Variants in RAPGEF2 observed in about 807,000 individuals in gnomAD.
RAPGEF2 encodes the protein Rap guanine nucleotide exchange factor 2, also known as PDZ domain containing guanine nucleotide exchange factor (GEF) 1.
In RAPGEF2, 54 loss-of-function variants were observed where a neutral mutation model predicts 186.7. That is an observed-to-expected ratio of 0.29 (90% confidence interval 0.23 to 0.36). The LOEUF is 0.36. Ranked by LOEUF, RAPGEF2 falls within the 10% of genes least tolerant of loss-of-function variation. The pLI is 1.00. For synonymous variants in RAPGEF2, 712 were observed against 705.9 expected (o/e 1.01, Z -0.14); for missense variants, 1,532 against 2,045.0 (o/e 0.75, Z 4.84).
intron 1 of RAPGEF2, among the ~76,000 whole-genome samples, chr4:159,158,654 A>G (rs529358106): frequency 6.6e-6 from 1 of 152,346 alleles, no homozygotes; most frequent in African/African-American, 2.4e-5. Context: ...AAAAAAGTTC[A>G]GAGATGACTA....
At chr4:159,274,197 TTTTG>T (rs1272114231) in intron 7 of RAPGEF2, among the ~76,000 whole-genome samples, 4 of 152,250 alleles carry the variant, frequency 2.6e-5, no homozygotes, top group Non-Finnish European at 4.4e-5. Flanking sequence ...CTTCATTTTC[TTTTG>T]TTTAACAATA....
intron 7 of RAPGEF2, among the ~76,000 whole-genome samples, chr4:159,253,476 G>T (rs1356563101): frequency 2.0e-5 from 3 of 152,122 alleles, no homozygotes; most frequent in African/African-American, 7.2e-5. Flanking sequence ...TTATTAAGAA[G>T]CTGTCAGACT....
Position 159,353,373 on chromosome 4 carries a change from T to C in RAPGEF2, c.4092-114T>C, listed in dbSNP as rs1481587527. ...AATTCAGTGCTACTTTTATCCTGTT[T>C]CTGGGATGAAAGCAAGCTACCTTTC... On this transcript the variant is annotated intron_variant, in intron 27 of 29. Transcript: ENST00000691494. This position sits in a 1 kb window ranked among gnomAD's most constrained non-coding sequence, Gnocchi z 4.3. 2 of 807,116 alleles carry C rather than the reference T, an allele frequency of 2.5e-6. No individual in the cohort carries two copies. The highest frequency in any genetic ancestry group is 3.7e-5 in the Admixed American group (1 of 27,288). The allele number at this position is 807,116 out of a possible 1,614,324, so 50.0% of individuals were successfully genotyped here. A position where few individuals can be genotyped will look rare whatever the true frequency, so the allele number is the denominator to read the frequency against.
chr4:159,273,445 A>AT, intron 7 of RAPGEF2, among the ~76,000 whole-genome samples: 1 of 152,306 alleles, frequency 6.6e-6, no homozygotes, highest in African/African-American at 2.4e-5. Flanking sequence ...AGTATACCTC[A>AT]TATCTTTGCC....
intron 2 of RAPGEF2, among the ~76,000 whole-genome samples, chr4:159,191,466 C>T (rs1057232511): frequency 6.6e-6 from 1 of 152,084 alleles, no homozygotes; most frequent in South Asian, 2.1e-4. Context: ...TCAGGCCGGG[C>T]GCGATGGCTA....
chr4:159,260,922 G>C (rs1579653945), intron 7 of RAPGEF2, among the ~76,000 whole-genome samples: 1 of 151,990 alleles, frequency 6.6e-6, no homozygotes, highest in East Asian at 1.9e-4. Context: ...CTAATTTTTT[G>C]TATTTTTAGT....
At chr4:159,127,270 G>T (rs777981377) in intron 1 of RAPGEF2, among the ~76,000 whole-genome samples, 7 of 152,116 alleles carry the variant, frequency 4.6e-5, no homozygotes, top group Admixed American at 3.9e-4. Context: ...CAGGTGATCC[G>T]CCTGCCTTGG....
chr4:159,162,875 T>A (rs1180728476), intron 1 of RAPGEF2, among the ~76,000 whole-genome samples: 6 of 151,568 alleles, frequency 4.0e-5, no homozygotes. Flanking sequence ...TCTCTTTTAT[T>A]GTTCCTTGTA....
At chr4:159,104,523 A>AGAGG (rs879376034) in intron 1 of RAPGEF2, among the ~76,000 whole-genome samples, 4 of 122,782 alleles carry the variant, frequency 3.3e-5, no homozygotes, top group Non-Finnish European at 5.1e-5. Context: ...AGAGAGAGAG[A>AGAGG]GAGGGAGAGA....
chr4:159,331,410 T>G (rs768827869), intron 13 of RAPGEF2, 21 bp from the exon 14 acceptor site: 5 of 1,489,352 alleles, frequency 3.4e-6, no homozygotes, highest in Admixed American at 2.0e-5. Context: ...GGAAACTTAT[T>G]GAAAATAATT....
At chr4:159,287,233 C>A (rs1414606457) in intron 7 of RAPGEF2, among the ~76,000 whole-genome samples, 1 of 151,914 alleles carries the variant, frequency 6.6e-6, no homozygotes, top group African/African-American at 2.4e-5. Context: ...CATTAGCAAT[C>A]TTAATGATAA....
intron 4 of RAPGEF2, among the ~76,000 whole-genome samples, chr4:159,232,681 T>C (rs1479252869): frequency 6.6e-6 from 1 of 152,226 alleles, no homozygotes; most frequent in African/African-American, 2.4e-5. Context: ...GTTAATTCTA[T>C]GTTTAGATTT....
intron 7 of RAPGEF2, among the ~76,000 whole-genome samples, chr4:159,294,844 C>T (rs1407444140): frequency 6.6e-6 from 1 of 152,098 alleles, no homozygotes; most frequent in Non-Finnish European, 1.5e-5. Context: ...AGGTGCATGC[C>T]ACCACGCCTG....
In RAPGEF2 at chr4:159,155,297, A is replaced by G. The variant is rs117723725; in HGVS notation, c.70-31345A>G. Among the ~76,000 whole-genome samples, 96 of 152,218 alleles carry G rather than the reference A, an allele frequency of 6.3e-4. 1 individual carries two copies. In the East Asian group the frequency reaches 0.015, roughly 24 times the overall value. Reference sequence around the variant, plus strand: ...ATGAAATTCCCGCTGAGTGGTTTTAATTTTCCGTTTTGATTGACAGCCACC... The same window carrying G: ...ATGAAATTCCCGCTGAGTGGTTTTAGTTTTCCGTTTTGATTGACAGCCACC... On this transcript the variant is annotated intron_variant, in intron 1 of 29. Coordinates refer to ENST00000691494, the MANE Select transcript of RAPGEF2 (RefSeq NM_001394067.2).
intron 1 of RAPGEF2, among the ~76,000 whole-genome samples, chr4:159,162,442 T>C (rs1744813616): frequency 1.3e-5 from 2 of 151,536 alleles, no homozygotes; most frequent in African/African-American, 4.8e-5. Flanking sequence ...AAAAAATTAA[T>C]TATTATAATT....
chr4:159,332,262 GA>G (rs1022902180), intron 16 of RAPGEF2, among the ~76,000 whole-genome samples, 188 bp from the exon 17 acceptor site: 1 of 151,760 alleles, frequency 6.6e-6, no homozygotes, highest in African/African-American at 2.4e-5. Context: ...AACTTATTTT[GA>G]TAGAGCAACA....
chr4:159,268,167 A>G, intron 7 of RAPGEF2: 3 of 1,613,190 alleles, frequency 1.9e-6, no homozygotes, highest in Non-Finnish European at 2.5e-6. Flanking sequence ...TGAAACCACT[A>G]GCAATCCCAG....
At chr4:159,140,948 C>T (rs892136532) in intron 1 of RAPGEF2, among the ~76,000 whole-genome samples, 1 of 151,924 alleles carries the variant, frequency 6.6e-6, no homozygotes, top group African/African-American at 2.4e-5. Flanking sequence ...TCTCCTGCCT[C>T]GGCCTTCTGA....
chr4:159,186,758 G>A (rs1448210081), intron 2 of RAPGEF2, 46 bp downstream of exon 2: 1 of 1,097,810 alleles, frequency 9.1e-7, no homozygotes, highest in African/African-American at 1.6e-5. Context: ...GTAAAAATTT[G>A]AAGCATGTAA....
Sources: gnomAD v4.1 joint callset for allele counts (sites outside exome capture counted in the v4.1 genomes callset) on GRCh38, gnomAD v4.1.1 for gene constraint, Gnocchi (gnomAD v3.1) non-coding constraint, MANE v1.5 for transcripts, NCBI Gene and HGNC (gene_info 2026-07-23, HGNC 2026-07-21) for gene names.